Variants in GNA13 observed in about 807,000 individuals in gnomAD.
The protein encoded by GNA13 is G protein subunit alpha 13.
A neutral mutation model predicts 33.5 loss-of-function variants in GNA13; 4 were observed. That is an observed-to-expected ratio of 0.12 (90% CI 0.06 to 0.27). GNA13 has a LOEUF of 0.27. GNA13 is among the 10% of genes least tolerant of loss of function. The pLI, the probability that GNA13 is intolerant of heterozygous loss-of-function variation, is 1.00. For missense variants in GNA13, 319 were observed against 487.2 expected (o/e 0.65, Z 3.25); for synonymous variants, 176 against 183.8 (o/e 0.96, Z 0.34).
At chr17:65,031,928 G>T (rs1363810451) in intron 2 of GNA13, among the ~76,000 whole-genome samples, 1 of 127,264 alleles carries the variant, frequency 7.9e-6, no homozygotes, top group Non-Finnish European at 1.5e-5. Context: ...GAGAGTGTGT[G>T]TGTGTGTGTG....
intron 2 of GNA13, among the ~76,000 whole-genome samples, chr17:65,043,261 T>C (rs888349413): frequency 1.3e-5 from 2 of 150,210 alleles, no homozygotes; most frequent in African/African-American, 4.9e-5. Context: ...TTGCAATATA[T>C]ACAATCATTA....
At chr17:65,042,441 G>A (rs1422897131) in intron 2 of GNA13, among the ~76,000 whole-genome samples, 1 of 151,418 alleles carries the variant, frequency 6.6e-6, no homozygotes, top group East Asian at 1.9e-4. Flanking sequence ...CAACAAGAAC[G>A]AATGTAACAC....
intron 2 of GNA13, among the ~76,000 whole-genome samples, chr17:65,045,129 A>T (rs1400227343): frequency 1.3e-5 from 2 of 152,130 alleles, no homozygotes; most frequent in Admixed American, 6.5e-5. Flanking sequence ...AATTACATAG[A>T]AGACAGGCAC....
rs1906156643 is a variant in GNA13, at chr17:65,010,651, C to T, written c.*3606G>A. On this transcript the variant is annotated 3_prime_UTR_variant, in exon 4 of 4. Transcript: ENST00000439174. Reference sequence around the variant, plus strand: ...AAGTCAGATTTCCAAGTGAAAAAGACATGAGCAAAACTTCTGGTCTTAATT... The same window carrying T: ...AAGTCAGATTTCCAAGTGAAAAAGATATGAGCAAAACTTCTGGTCTTAATT... 9.8e-6 allele frequency: 2 copies of T among 205,122 alleles called. No homozygotes were observed. Among genetic ancestry groups the T allele is most frequent in the African/African-American group, 2.3e-5 (1 of 43,796 alleles). The allele number at this position is 205,122 out of a possible 1,614,324, so 12.7% of individuals were successfully genotyped here.
chr17:65,034,999 GGT>G (rs2143802990), intron 2 of GNA13, among the ~76,000 whole-genome samples: 1 of 152,166 alleles, frequency 6.6e-6, no homozygotes, highest in Non-Finnish European at 1.5e-5. Context: ...TTGTCAGGCT[GGT>G]CTTGAACGCC....
chr17:65,051,724 A>T (rs1907865717), intron 2 of GNA13, among the ~76,000 whole-genome samples: 1 of 152,246 alleles, frequency 6.6e-6, no homozygotes, highest in Non-Finnish European at 1.5e-5. Flanking sequence ...TGATCAAGGG[A>T]CAAAACTAAC....
Position 65,056,302 on chromosome 17 carries a change from G to A in GNA13, c.283+9C>T. ...CCTTAACCCCCGGCCCCCATTCCCGGCCCGGCACCTTTGATCACGTTGCTG... is the reference window on the plus strand; with the variant it reads ...CCTTAACCCCCGGCCCCCATTCCCGACCCGGCACCTTTGATCACGTTGCTG... On this transcript the variant is annotated intron_variant, in intron 1 of 3. Transcript: ENST00000439174. 1 of 1,571,378 alleles carries A rather than the reference G, an allele frequency of 6.4e-7. No homozygotes were observed. The highest frequency in any genetic ancestry group is 8.6e-7 in the Non-Finnish European group (1 of 1,157,680).
intron 2 of GNA13, among the ~76,000 whole-genome samples, chr17:65,045,512 A>AG (rs1414983429): frequency 6.6e-6 from 1 of 150,994 alleles, no homozygotes; most frequent in Non-Finnish European, 1.5e-5. Context: ...TGTCTCAAAA[A>AG]AAAAAAAAAA....
chr17:65,027,662 T>C (rs549967081), intron 2 of GNA13, among the ~76,000 whole-genome samples: 2 of 152,308 alleles, frequency 1.3e-5, no homozygotes, highest in African/African-American at 4.8e-5. Flanking sequence ...TTAAATAATA[T>C]ATATGTTTGA....
chr17:65,033,349 G>A (rs1055696030), intron 2 of GNA13, among the ~76,000 whole-genome samples: 1 of 151,964 alleles, frequency 6.6e-6, no homozygotes, highest in East Asian at 1.9e-4. Flanking sequence ...AGCTGGGTGT[G>A]GGTGTGTGGT....
intron 2 of GNA13, among the ~76,000 whole-genome samples, chr17:65,022,654 C>T (rs1177677744): frequency 6.6e-6 from 1 of 152,134 alleles, no homozygotes; most frequent in Non-Finnish European, 1.5e-5. Context: ...AAAACACATG[C>T]AAAATTTTAA....
chr17:65,012,354 C>G lies in GNA13; in HGVS notation c.*1903G>C, dbSNP rs550140767. ...TCCAAATGTTACTGTGCACATATTC[C>G]GATATTCATTAGCACTGCAATTATG... On this transcript the variant is annotated 3_prime_UTR_variant, in exon 4 of 4. Coordinates refer to ENST00000439174, the MANE Select transcript of GNA13 (RefSeq NM_006572.6). 2.1e-3 allele frequency: 458 copies of G among 221,964 alleles called. 3 individuals are homozygous for G. Among genetic ancestry groups the G allele is most frequent in the African/African-American group, 9.7e-3 (436 of 44,796 alleles). The allele number at this position is 221,964 out of a possible 1,614,324, so 13.7% of individuals were successfully genotyped here.
At chr17:65,036,685 G>T (rs965278952) in intron 2 of GNA13, among the ~76,000 whole-genome samples, 1 of 152,214 alleles carries the variant, frequency 6.6e-6, no homozygotes, top group African/African-American at 2.4e-5. Context: ...CAGCCTGGGT[G>T]AAAGAGTGAG....
At chr17:65,043,750 C>T (rs955189071) in intron 2 of GNA13, among the ~76,000 whole-genome samples, 2 of 152,070 alleles carry the variant, frequency 1.3e-5, no homozygotes, top group East Asian at 1.9e-4. Context: ...CAAACATCAA[C>T]GAAGAGTTCC....
chr17:65,047,252 G>A (rs1340109297), intron 2 of GNA13, among the ~76,000 whole-genome samples: 2 of 152,108 alleles, frequency 1.3e-5, no homozygotes, highest in African/African-American at 4.8e-5. Context: ...GCTGGGTGAG[G>A]TGGCTCACTA....
intron 2 of GNA13, among the ~76,000 whole-genome samples, chr17:65,036,967 C>T (rs1176505365): frequency 6.6e-6 from 1 of 152,212 alleles, no homozygotes; most frequent in Non-Finnish European, 1.5e-5. Context: ...AGGCAGTTCA[C>T]TTGGGTTGCT....
At chr17:65,025,122 T>C (rs567630028) in intron 2 of GNA13, among the ~76,000 whole-genome samples, 25 of 152,218 alleles carry the variant, frequency 1.6e-4, no homozygotes, top group Non-Finnish European at 2.5e-4. Context: ...GGTCTCGAAC[T>C]CCTGGACTCA....
At chr17:65,032,584 G>T (rs1006074173) in intron 2 of GNA13, among the ~76,000 whole-genome samples, 1 of 152,134 alleles carries the variant, frequency 6.6e-6, no homozygotes, top group African/African-American at 2.4e-5. Context: ...GATAAAGAAT[G>T]ACTTGAGAAG....
At chr17:65,032,226 T>C (rs926319730) in intron 2 of GNA13, among the ~76,000 whole-genome samples, 1 of 152,180 alleles carries the variant, frequency 6.6e-6, no homozygotes, top group Non-Finnish European at 1.5e-5. Flanking sequence ...ACTTTTCGAT[T>C]CAACCCGAGG....
Sources: allele counts gnomAD v4.1 joint callset (sites outside exome capture counted in the v4.1 genomes callset), GRCh38; gene constraint gnomAD v4.1.1; transcripts MANE v1.5; gene names NCBI Gene and HGNC (gene_info 2026-07-23, HGNC 2026-07-21).